The following GRIN3A variants were observed in gnomAD, a reference collection of about 807,000 sequenced individuals.
GRIN3A encodes the protein glutamate receptor ionotropic, NMDA 3A.
In GRIN3A, 47 loss-of-function variants were observed where a neutral mutation model predicts 92.4. That is an observed-to-expected ratio of 0.51 (90% CI 0.40 to 0.65). The LOEUF (loss-of-function observed/expected upper bound fraction) is 0.65. Among genes scored for constraint, GRIN3A ranks in the 30% least tolerant of loss-of-function variants. GRIN3A has a pLI of 0.00. For missense variants in GRIN3A, 1,324 were observed against 1,393.1 expected (o/e 0.95, Z 0.79); for synonymous variants, 527 against 540.6 (o/e 0.97, Z 0.35).
At chr9:101,663,949 A>C (rs1027401390) in intron 3 of GRIN3A, among the ~76,000 whole-genome samples, 1 of 151,834 alleles carries the variant, frequency 6.6e-6, no homozygotes, top group Non-Finnish European at 1.5e-5. Flanking sequence ...TAAAATCAGC[A>C]AATAGCTAAT....
At chr9:101,602,446 A>C (rs1588243787) in intron 6 of GRIN3A, among the ~76,000 whole-genome samples, 1 of 152,320 alleles carries the variant, frequency 6.6e-6, no homozygotes, top group South Asian at 2.1e-4. Flanking sequence ...GAGGTGAGTG[A>C]GGAGTCCCAT....
intron 1 of GRIN3A, among the ~76,000 whole-genome samples, chr9:101,718,931 T>G (rs1443425262): frequency 6.6e-6 from 1 of 152,206 alleles, no homozygotes; most frequent in Non-Finnish European, 1.5e-5. Context: ...ATGAAAAGAT[T>G]TTTAAAAGTG....
Position 101,737,544 on chromosome 9 carries a change from G to A in GRIN3A, c.436C>T (p.Leu146=), listed in dbSNP as rs1159280690. ...ATGGCCATCACTACTTCCAAAGACA[G>A]GTTGTAGGGTAGCAGCCCTTCCACG... The part of the protein sequence containing the change: ...NRVEGLLPYN[L]SLEVVMAIEA... The change falls in exon 1 of 9, where the codon CTG becomes TTG. Residue 146 remains leucine, a synonymous_variant. Coordinates refer to ENST00000361820, the MANE Select transcript of GRIN3A (RefSeq NM_133445.3). The A allele has an allele frequency of 1.2e-6, 2 of 1,614,236 alleles. No individual in the cohort carries two copies. The highest frequency in any genetic ancestry group is 2.2e-5 in the South Asian group (2 of 91,088).
intron 1 of GRIN3A, among the ~76,000 whole-genome samples, chr9:101,719,184 C>A (rs10819980): frequency 6.6e-6 from 1 of 151,762 alleles, no homozygotes; most frequent in Non-Finnish European, 1.5e-5. Context: ...TTTGGGAGGC[C>A]GAAGCGGGCG....
intron 1 of GRIN3A, among the ~76,000 whole-genome samples, chr9:101,707,026 A>G (rs964825808): frequency 6.6e-6 from 1 of 152,236 alleles, no homozygotes; most frequent in African/African-American, 2.4e-5. Context: ...AGCAAAAAAC[A>G]TCCTAACAGC....
At chr9:101,655,536 T>C (rs919126566) in intron 3 of GRIN3A, among the ~76,000 whole-genome samples, 1 of 151,958 alleles carries the variant, frequency 6.6e-6, no homozygotes, top group Non-Finnish European at 1.5e-5. Context: ...ATTCTTATCA[T>C]TGTATGCTTA....
At chr9:101,613,940 G>A (rs953048510) in intron 5 of GRIN3A, among the ~76,000 whole-genome samples, 2 of 151,840 alleles carry the variant, frequency 1.3e-5, no homozygotes, top group Non-Finnish European at 2.9e-5. Flanking sequence ...TTCTCTTATC[G>A]GTGTTAATGC....
intron 1 of GRIN3A, among the ~76,000 whole-genome samples, chr9:101,699,215 C>T (rs1829723880): frequency 6.6e-6 from 1 of 152,012 alleles, no homozygotes; most frequent in African/African-American, 2.4e-5. Flanking sequence ...CCTAGGCCTA[C>T]ACAGGTTCAG....
chr9:101,640,478 C>A (rs1358975190), intron 3 of GRIN3A, among the ~76,000 whole-genome samples: 1 of 152,162 alleles, frequency 6.6e-6, no homozygotes. Context: ...TGAGATTAAG[C>A]AATTTGGCCA....
chr9:101,695,155 T>A (rs1829669486), intron 1 of GRIN3A, among the ~76,000 whole-genome samples: 1 of 152,198 alleles, frequency 6.6e-6, no homozygotes, highest in Admixed American at 6.6e-5. Context: ...TAGTTTATAA[T>A]GATGGTGACC....
chr9:101,673,717 C>T (rs965584522), intron 2 of GRIN3A, among the ~76,000 whole-genome samples: 3 of 152,018 alleles, frequency 2.0e-5, no homozygotes, highest in African/African-American at 7.2e-5. Context: ...CTTGGATAAA[C>T]AAGGAGAAAA....
At chr9:101,591,180 A>G (rs1240507762) in intron 6 of GRIN3A, among the ~76,000 whole-genome samples, 1 of 152,220 alleles carries the variant, frequency 6.6e-6, no homozygotes, top group Non-Finnish European at 1.5e-5. Flanking sequence ...AGATGAGCCA[A>G]AGGTGGAACA....
chr9:101,726,097 A>C (rs1465465946), intron 1 of GRIN3A, among the ~76,000 whole-genome samples: 2 of 152,210 alleles, frequency 1.3e-5, no homozygotes, highest in African/African-American at 2.4e-5. Flanking sequence ...CATATTGAGC[A>C]TGCAACCTAA....
chr9:101,586,983 C>T (rs960497044), intron 6 of GRIN3A, among the ~76,000 whole-genome samples: 2 of 152,106 alleles, frequency 1.3e-5, no homozygotes, highest in African/African-American at 2.4e-5. Flanking sequence ...TGAGCTTTCC[C>T]GTTATTCTTT....
intron 6 of GRIN3A, among the ~76,000 whole-genome samples, chr9:101,604,917 TG>T (rs1488289444): frequency 6.6e-6 from 1 of 152,232 alleles, no homozygotes. Flanking sequence ...AGAATGGATC[TG>T]CTGTGAGAGA....
chr9:101,607,575 G>A (rs1055899424), intron 6 of GRIN3A, among the ~76,000 whole-genome samples: 4 of 152,192 alleles, frequency 2.6e-5, no homozygotes, highest in South Asian at 2.1e-4. Context: ...GAGGAGGGCC[G>A]TGTGTATGAG....
intron 1 of GRIN3A, among the ~76,000 whole-genome samples, chr9:101,715,200 T>TAAAAAAAAAAAAAAAAAAA (rs5899459): frequency 7.8e-6 from 1 of 127,692 alleles, no homozygotes; most frequent in Non-Finnish European, 1.6e-5. Flanking sequence ...ACAAAAATGG[T>TAAAAAAAAAAAAAAAAAAA]AAAAAAAAAA....
At chr9:101,710,687 C>G (rs1367264645) in intron 1 of GRIN3A, among the ~76,000 whole-genome samples, 1 of 152,158 alleles carries the variant, frequency 6.6e-6, no homozygotes, top group African/African-American at 2.4e-5. Flanking sequence ...GATGAGGTAT[C>G]CCAGGTAGAA....
intron 3 of GRIN3A, among the ~76,000 whole-genome samples, chr9:101,633,347 T>C (rs995597655): frequency 6.6e-6 from 1 of 152,248 alleles, no homozygotes; most frequent in African/African-American, 2.4e-5. Flanking sequence ...ATATAGTATG[T>C]ATTGAATTCC....
Sources: allele counts gnomAD v4.1 joint callset (sites outside exome capture counted in the v4.1 genomes callset), GRCh38; gene constraint gnomAD v4.1.1; transcripts MANE v1.5; gene names NCBI Gene and HGNC (gene_info 2026-07-23, HGNC 2026-07-21).